Variants in OTUD7B observed in about 807,000 individuals in gnomAD.
OTUD7B encodes the protein OTU deubiquitinase 7B.
OTUD7B carries 34 observed loss-of-function variants against 82.2 expected under a neutral mutation model. The ratio of observed to expected loss-of-function variants is 0.41; its 90% CI spans 0.31 to 0.55. The LOEUF is 0.55. OTUD7B is among the 20% of genes least tolerant of loss of function. The pLI, the probability that OTUD7B is intolerant of heterozygous loss-of-function variation, is 0.20. For synonymous variants in OTUD7B, 398 were observed against 402.7 expected, an observed-to-expected ratio of 0.99 and a Z score of 0.14; for missense variants, 944 against 1,062.1, an observed-to-expected ratio of 0.89 and a Z score of 1.55.
chr1:149,986,125 G>A (rs937728495), intron 1 of OTUD7B, among the ~76,000 whole-genome samples: 1 of 152,048 alleles, frequency 6.6e-6, no homozygotes, highest in Non-Finnish European at 1.5e-5. Flanking sequence ...CACTAAACCA[G>A]GAACAATTTG....
intron 7 of OTUD7B, among the ~76,000 whole-genome samples, chr1:149,954,958 G>A (rs1238489991): frequency 2.8e-4 from 42 of 151,922 alleles, no homozygotes; most frequent in African/African-American, 4.1e-4. Flanking sequence ...TCTTGCCAGC[G>A]GTCTATCAAA....
the OTUD7B span, among the ~76,000 whole-genome samples, chr1:150,043,622 A>T: frequency 6.6e-6 from 1 of 152,152 alleles, no homozygotes; most frequent in South Asian, 2.1e-4. Flanking sequence ...AGAGATGTTG[A>T]AGAGGGACTT....
chr1:150,034,981 A>G, the OTUD7B span, among the ~76,000 whole-genome samples: 2 of 151,990 alleles, frequency 1.3e-5, no homozygotes, highest in Non-Finnish European at 2.9e-5. Flanking sequence ...CGTTTCAACT[A>G]AAAATACAAA....
the OTUD7B span, among the ~76,000 whole-genome samples, chr1:150,064,331 TTCTTTC>T: frequency 6.6e-6 from 1 of 152,108 alleles, no homozygotes. Context: ...AATCCTTTCT[TTCTTTC>T]TCTTTCTTTC....
chr1:150,041,289 C>T, the OTUD7B span, among the ~76,000 whole-genome samples: 11 of 152,016 alleles, frequency 7.2e-5, 1 homozygote, highest in Non-Finnish European at 1.5e-4. Context: ...TTCACTATTT[C>T]TGTGATTATA....
At chr1:150,014,589 T>C (rs1335636724), upstream of OTUD7B, among the ~76,000 whole-genome samples, 2 of 152,130 alleles carry the variant, frequency 1.3e-5, no homozygotes, top group Non-Finnish European at 2.9e-5. Context: ...TTTTAAATGT[T>C]CACCAACAGA....
chr1:150,031,295 A>T, the OTUD7B span, among the ~76,000 whole-genome samples: 1 of 152,088 alleles, frequency 6.6e-6, no homozygotes, highest in South Asian at 2.1e-4. Context: ...CTCCTCATTA[A>T]CCTCATCTTG....
At chr1:149,945,773 A>G (rs183623393) in intron 11 of OTUD7B, among the ~76,000 whole-genome samples, 165 of 152,286 alleles carry the variant, frequency 1.1e-3, no homozygotes, top group Non-Finnish European at 1.8e-3. Flanking sequence ...CTTAAAGAAT[A>G]TGTTAAGCCA....
At chr1:149,979,461 T>C (rs782342069) in intron 1 of OTUD7B, among the ~76,000 whole-genome samples, 55 of 152,296 alleles carry the variant, frequency 3.6e-4, no homozygotes, top group Admixed American at 1.4e-3. Flanking sequence ...TCTAGACTTG[T>C]ATTAGATGAC....
intron 11 of OTUD7B, among the ~76,000 whole-genome samples, chr1:149,946,529 G>A (rs587608174): frequency 2.0e-5 from 3 of 151,758 alleles, no homozygotes; most frequent in South Asian, 4.2e-4. Context: ...ATCACCTGAG[G>A]TCAGGAGTTC....
chr1:150,027,468 T>C, the OTUD7B span, among the ~76,000 whole-genome samples: 1 of 152,044 alleles, frequency 6.6e-6, no homozygotes, highest in African/African-American at 2.4e-5. Flanking sequence ...ACACCTGTAG[T>C]CCCAGCTACT....
the OTUD7B span, chr1:150,048,445 T>G: frequency 3.3e-5 from 5 of 152,250 alleles, no homozygotes; most frequent in East Asian, 9.6e-4. Context: ...CTGAGTGTAG[T>G]GGCTCATACC....
At chr1:149,979,166 A>G (rs1334318822) in intron 1 of OTUD7B, among the ~76,000 whole-genome samples, 9 of 152,150 alleles carry the variant, frequency 5.9e-5, no homozygotes, top group Admixed American at 5.9e-4. Context: ...TATGGTAGGT[A>G]GTCAAATGCC....
At chr1:150,018,567 T>C in the OTUD7B span, among the ~76,000 whole-genome samples, 1 of 152,164 alleles carries the variant, frequency 6.6e-6, no homozygotes, top group Non-Finnish European at 1.5e-5. Flanking sequence ...TGGGAATTAA[T>C]GACGATTACA....
chr1:149,991,692 A>C (rs1377266286), intron 1 of OTUD7B, among the ~76,000 whole-genome samples: 1 of 152,202 alleles, frequency 6.6e-6, no homozygotes, highest in East Asian at 1.9e-4. Flanking sequence ...AACTATAGTA[A>C]AACTGAGTAC....
At chr1:149,962,419 A>G (rs761018711) in intron 6 of OTUD7B, 1 of 152,184 alleles carries the variant, frequency 6.6e-6, no homozygotes, top group Non-Finnish European at 1.5e-5. Context: ...TAATAATGCT[A>G]TGAATGGTCT....
intron 6 of OTUD7B, chr1:149,963,997 G>A: frequency 2.2e-6 from 1 of 451,816 alleles, no homozygotes. Flanking sequence ...AAAGCACAAT[G>A]TTAGATAACC....
chr1:149,993,365 T>C (rs587754481), intron 1 of OTUD7B, among the ~76,000 whole-genome samples: 1 of 152,304 alleles, frequency 6.6e-6, no homozygotes, highest in South Asian at 2.1e-4. Context: ...GGCAGGCTGC[T>C]AAGTGAAGGG....
At chr1:149,988,865 T>C (rs373421127) in intron 1 of OTUD7B, among the ~76,000 whole-genome samples, 3 of 152,196 alleles carry the variant, frequency 2.0e-5, no homozygotes, top group African/African-American at 4.8e-5. Flanking sequence ...AAGATTCTAA[T>C]CATTGAATTT....
Sources: allele counts gnomAD v4.1 joint callset (sites outside exome capture counted in the v4.1 genomes callset), GRCh38; gene constraint gnomAD v4.1.1; transcripts MANE v1.5; gene names NCBI Gene and HGNC (gene_info 2026-07-23, HGNC 2026-07-21).